Variants in NUFIP2 observed in about 807,000 individuals in gnomAD.
The protein encoded by NUFIP2 is FMR1-interacting protein NUFIP2.
A neutral mutation model predicts 56.9 loss-of-function variants in NUFIP2; 6 were observed. That is an observed-to-expected ratio of 0.11 (90% confidence interval 0.06 to 0.21). The LOEUF is 0.21. Ranked by LOEUF, NUFIP2 falls within the 10% of genes least tolerant of loss-of-function variation. NUFIP2 has a pLI of 1.00. For missense variants in NUFIP2, 828 were observed against 826.8 expected (o/e 1.00, Z -0.02); for synonymous variants, 321 against 298.2 (o/e 1.08, Z -0.79).
chr17:29,286,243 G>T lies in NUFIP2; in HGVS notation c.1751C>A (p.Thr584Asn). ...QVLGSILKSG[T>N]TSESGALSLE... is the part of the protein sequence containing the mutation. ...GGATAAGGCTCCACTCTCACTAGTA[G>T]TCCCAGATTTTAGAATGCTACCCAG... is the stretch of plus-strand genomic sequence containing the variant. The change falls in exon 2 of 4, where the codon ACT (threonine) becomes AAT (asparagine). Residue 584 changes from threonine (T) to asparagine (N), a missense_variant. By Grantham distance (65) the Thr-to-Asn change is moderately conservative. This residue lies in a region of NUFIP2 where 404 missense variants were observed against 380.3 expected (regional missense o/e 1.06). Transcript: ENST00000225388. The T allele has an allele frequency of 1.9e-6, 3 of 1,614,174 alleles. No homozygotes were observed. The highest frequency in any genetic ancestry group is 2.5e-6 in the Non-Finnish European group (3 of 1,180,022).
At chr17:29,281,195 C>T (rs2069137543) in intron 2 of NUFIP2, among the ~76,000 whole-genome samples, 2 of 152,058 alleles carry the variant, frequency 1.3e-5, no homozygotes, top group African/African-American at 4.8e-5. Context: ...GTGGCTCATG[C>T]CTGTAATCCC....
At chr17:29,290,988 A>C (rs887475758) in intron 1 of NUFIP2, among the ~76,000 whole-genome samples, 3 of 151,652 alleles carry the variant, frequency 2.0e-5, no homozygotes, top group Non-Finnish European at 4.4e-5. Flanking sequence ...CAAACAATGA[A>C]AAAACGGCTT....
intron 3 of NUFIP2, among the ~76,000 whole-genome samples, chr17:29,265,760 A>G (rs1188003725): frequency 1.4e-5 from 2 of 147,806 alleles, no homozygotes; most frequent in Non-Finnish European, 3.0e-5. Context: ...CACCCAATGG[A>G]AAATTTTAAA....
intron 1 of NUFIP2, among the ~76,000 whole-genome samples, chr17:29,292,413 T>C (rs2153013083): frequency 6.6e-6 from 1 of 151,806 alleles, no homozygotes; most frequent in East Asian, 1.9e-4. Flanking sequence ...TTGGATTTTT[T>C]TTTTTTTTTT....
intron 2 of NUFIP2, among the ~76,000 whole-genome samples, chr17:29,271,239 G>T (rs1238955134): frequency 3.3e-5 from 5 of 152,152 alleles, no homozygotes; most frequent in South Asian, 2.1e-4. Flanking sequence ...TTCTAGCAAA[G>T]AAATAAATCA....
rs1263227009 is a variant in NUFIP2 at position 29,259,598 on chromosome 17, G to C, written c.*4941C>G. On this transcript the variant is annotated 3_prime_UTR_variant, in exon 4 of 4. Coordinates refer to ENST00000225388, the MANE Select transcript of NUFIP2 (RefSeq NM_020772.3). ...CTCAAAAAAAAAAAGGTGGGGGGGGGGGGGATACTGCAGTATTATAAAATG... is the reference window on the plus strand; with the variant it reads ...CTCAAAAAAAAAAAGGTGGGGGGGGCGGGGATACTGCAGTATTATAAAATG... 2 of 145,592 alleles carry C rather than the reference G, an allele frequency of 1.4e-5. No homozygotes were observed. Among genetic ancestry groups the C allele is most frequent in the East Asian group, 2.1e-4 (1 of 4,720 alleles). 9.0% of individuals were successfully genotyped at this position (145,592 alleles called of 1,614,324 possible).
chr17:29,286,041 ATCATTCCTTTC>A lies in NUFIP2; in HGVS notation c.1942_1952del (p.Glu648Ter). Reference sequence around the variant, plus strand: ...CCCTCAGGTCAAAAGAACCCCAGCTATCATTCCTTTCTAGGCCTCTCTGGTATCTCTGTTCT... The same window carrying A: ...CCCTCAGGTCAAAAGAACCCCAGCTATAGGCCTCTCTGGTATCTCTGTTCT... On this transcript the variant is annotated frameshift_variant, in exon 2 of 4. Transcript: ENST00000225388. LOFTEE classifies it high-confidence loss of function. The A allele has an allele frequency of 6.2e-7, 1 of 1,614,126 alleles. No homozygotes were observed. Among genetic ancestry groups the A allele is most frequent in the African/African-American group, 1.3e-5 (1 of 75,058 alleles).
In NUFIP2 at chr17:29,279,684, TC is replaced by T. The variant is rs1412666992; in HGVS notation, c.2002+6307del. ...CATGCCACCATGCCCAGCTAATGCTTCAAATTTTTTTGTAGAAATCAGGACT... is the reference window on the plus strand; with the variant it reads ...CATGCCACCATGCCCAGCTAATGCTTAAATTTTTTTGTAGAAATCAGGACT... On this transcript the variant is annotated intron_variant, in intron 2 of 3. Coordinates refer to ENST00000225388, the MANE Select transcript of NUFIP2 (RefSeq NM_020772.3). Among the ~76,000 whole-genome samples, 84 of 152,120 alleles carry T rather than the reference TC, an allele frequency of 5.5e-4. 1 individual carries two copies. The highest frequency in any genetic ancestry group is 1.4e-3 in the Admixed American group (22 of 15,254).
In NUFIP2 at chr17:29,262,127, T is replaced by A. The variant is rs897045191; in HGVS notation, c.*2412A>T. ...CTGGGTTTGTTTTTTGTTTTTTCCT[T>A]TTCAAATATATACTCAATTCAACCT... On this transcript the variant is annotated 3_prime_UTR_variant, in exon 4 of 4. Coordinates refer to ENST00000225388, the MANE Select transcript of NUFIP2 (RefSeq NM_020772.3). The A allele has an allele frequency of 1.3e-5, 2 of 152,366 alleles. No homozygotes were observed. Among genetic ancestry groups the A allele is most frequent in the African/African-American group, 4.8e-5 (2 of 41,430 alleles). 9.4% of individuals were successfully genotyped at this position (152,366 alleles called of 1,614,324 possible).
chr17:29,276,897 C>G (rs1261729445), intron 2 of NUFIP2, among the ~76,000 whole-genome samples: 1 of 152,160 alleles, frequency 6.6e-6, no homozygotes, highest in Non-Finnish European at 1.5e-5. Context: ...TTCATATAGT[C>G]AAACTGAACA....
chr17:29,266,522 A>C (rs2069037732), intron 3 of NUFIP2, among the ~76,000 whole-genome samples: 1 of 152,134 alleles, frequency 6.6e-6, no homozygotes, highest in Admixed American at 6.6e-5. Flanking sequence ...TTAGCAAAGT[A>C]AATGAGGAAT....
chr17:29,293,729 C>A, intron 1 of NUFIP2, 54 bp downstream of exon 1: 1 of 1,207,082 alleles, frequency 8.3e-7, no homozygotes, highest in African/African-American at 1.5e-5. Flanking sequence ...CCACCCCCAT[C>A]TCTCCTGTCC....
chr17:29,266,889 C>T (rs1170359565), intron 3 of NUFIP2, among the ~76,000 whole-genome samples: 4 of 151,598 alleles, frequency 2.6e-5, no homozygotes, highest in East Asian at 1.9e-4. Flanking sequence ...TTTCTTTTTT[C>T]GTATTCACTC....
At chr17:29,273,452 G>C (rs998079845) in intron 2 of NUFIP2, among the ~76,000 whole-genome samples, 1 of 152,058 alleles carries the variant, frequency 6.6e-6, no homozygotes, top group Non-Finnish European at 1.5e-5. Context: ...GACTACAGGC[G>C]TGAGCCATCA....
chr17:29,264,650 C>G lies in NUFIP2; in HGVS notation c.2036-59G>C, dbSNP rs1236959704. 3.7e-6 allele frequency: 4 copies of G among 1,078,878 alleles called. No individual in the cohort carries two copies. The East Asian group carries it at 9.6e-5, about 26-fold the overall frequency. 66.8% of individuals were successfully genotyped at this position (1,078,878 alleles called of 1,614,324 possible). The stretch of plus-strand genomic sequence containing the variant: ...TCTAGAATCTCAAAATGCCCGTATT[C>G]CAATAACAATCCCAAATAACCATCA... On this transcript the variant is annotated intron_variant, in intron 3 of 3. Coordinates refer to ENST00000225388, the MANE Select transcript of NUFIP2 (RefSeq NM_020772.3).
At chr17:29,271,273 T>G (rs542100404) in intron 2 of NUFIP2, among the ~76,000 whole-genome samples, 1 of 152,230 alleles carries the variant, frequency 6.6e-6, no homozygotes, top group Non-Finnish European at 1.5e-5. Context: ...GCGGAGGGGC[T>G]CACATCTGTA....
At position 29,289,483 on chromosome 17, in the gene NUFIP2, T is replaced by C. The variant is rs145940461; in HGVS notation, c.278-1767A>G. ...GGTGCACGCCTGTAATCCCAGCTAC[T>C]TGGGAGGCTGAGGCAGGAGAATGGC... On this transcript the variant is annotated intron_variant, in intron 1 of 3. Coordinates refer to ENST00000225388, the MANE Select transcript of NUFIP2 (RefSeq NM_020772.3). Among the ~76,000 whole-genome samples the C allele has an allele frequency of 1.2e-4, 18 of 152,100 alleles. No homozygotes were observed. The East Asian group carries it at 3.5e-3, about 29-fold the overall frequency.
intron 3 of NUFIP2, among the ~76,000 whole-genome samples, chr17:29,266,865 CT>C (rs2069040386): frequency 6.6e-6 from 1 of 151,568 alleles, no homozygotes. Context: ...ATGGTAGTGT[CT>C]TTTTGTTGCT....
chr17:29,292,877 G>A (rs2069225413), intron 1 of NUFIP2, among the ~76,000 whole-genome samples: 1 of 119,026 alleles, frequency 8.4e-6, no homozygotes, highest in South Asian at 2.5e-4. Flanking sequence ...ACCCCGGCCG[G>A]CGACGGGGGG....
Sources: gnomAD v4.1 joint callset for allele counts (sites outside exome capture counted in the v4.1 genomes callset) on GRCh38, gnomAD v4.1.1 for gene constraint, gnomAD v4.1.1 regional missense constraint, MANE v1.5 for transcripts, NCBI Gene and HGNC (gene_info 2026-07-23, HGNC 2026-07-21) for gene names.